Variants in CAMK1D observed in about 807,000 individuals in gnomAD.
The protein encoded by CAMK1D is calcium/calmodulin-dependent protein kinase type 1D.
CAMK1D carries 9 observed loss-of-function variants against 47.7 expected under a neutral mutation model. The observed-to-expected ratio is 0.19, with a 90% CI of 0.11 to 0.33. CAMK1D has a LOEUF of 0.33. Among genes scored for constraint, CAMK1D ranks in the 10% least tolerant of loss-of-function variants. The pLI is 1.00. For synonymous variants in CAMK1D, 184 were observed against 184.9 expected, an observed-to-expected ratio of 0.99 and a Z score of 0.04; for missense variants, 291 against 488.7, an observed-to-expected ratio of 0.60 and a Z score of 3.81.
intron 2 of CAMK1D, among the ~76,000 whole-genome samples, chr10:12,653,412 T>A (rs2132517573): frequency 6.6e-6 from 1 of 152,300 alleles, no homozygotes; most frequent in East Asian, 1.9e-4. Context: ...AGAAATTATG[T>A]TTAAAAACAC....
At chr10:12,532,657 C>T (rs1329605437) in intron 1 of CAMK1D, among the ~76,000 whole-genome samples, 1 of 152,112 alleles carries the variant, frequency 6.6e-6, no homozygotes, top group Non-Finnish European at 1.5e-5. Context: ...TTAGTTGCAG[C>T]ACTGTTTGCA....
At chr10:12,806,291 G>C (rs927752469) in intron 6 of CAMK1D, among the ~76,000 whole-genome samples, 4 of 152,228 alleles carry the variant, frequency 2.6e-5, no homozygotes, top group Non-Finnish European at 5.9e-5. Flanking sequence ...TAGGGACTCA[G>C]ACCGTCTGTT....
chr10:12,661,766 G>C (rs1023669948), intron 2 of CAMK1D, among the ~76,000 whole-genome samples: 3 of 152,192 alleles, frequency 2.0e-5, no homozygotes, highest in Non-Finnish European at 2.9e-5. Flanking sequence ...TAGAAGATGA[G>C]ATCTATAGAC....
In CAMK1D at chr10:12,677,011, G is replaced by A. The variant is rs918434649; in HGVS notation, c.299+10201G>A. Among the ~76,000 whole-genome samples the A allele has an allele frequency of 1.4e-4, 21 of 152,202 alleles. No homozygotes were observed. The South Asian group carries it at 1.7e-3, about 12-fold the overall frequency. On this transcript the variant is annotated intron_variant, in intron 3 of 10. Coordinates refer to ENST00000619168, the MANE Select transcript of CAMK1D (RefSeq NM_153498.4). ...TGTGATTTCCTGCTGAGCTTGAAAA[G>A]CTAAGGACAAAACACCCATTCTTTA...
chr10:12,750,693 G>GA (rs1272288918), intron 3 of CAMK1D, among the ~76,000 whole-genome samples: 5 of 151,902 alleles, frequency 3.3e-5, no homozygotes, highest in South Asian at 4.2e-4. Flanking sequence ...ATGAATGAAT[G>GA]ATGAATGAAT....
At chr10:12,801,346 TATCTATCTTATC>T (rs1178754378) in intron 6 of CAMK1D, among the ~76,000 whole-genome samples, 293 of 87,404 alleles carry the variant, frequency 3.4e-3, no homozygotes, top group Non-Finnish European at 3.7e-3. Context: ...TCTATCTATC[TATCTATCTTATC>T]TATCTATCTA....
intron 2 of CAMK1D, among the ~76,000 whole-genome samples, chr10:12,627,816 C>T (rs949501414): frequency 2.0e-5 from 3 of 152,144 alleles, no homozygotes; most frequent in Non-Finnish European, 4.4e-5. Flanking sequence ...TGCAGTGGCT[C>T]ACGCCTGTAG....
intron 2 of CAMK1D, among the ~76,000 whole-genome samples, chr10:12,615,448 G>GT (rs1305556987): frequency 3.3e-5 from 5 of 150,596 alleles, no homozygotes; most frequent in Admixed American, 1.3e-4. Context: ...GTGTGTGCAT[G>GT]TGTGTGTGTA....
At chr10:12,627,486 C>G (rs183776849) in intron 2 of CAMK1D, among the ~76,000 whole-genome samples, 4 of 152,284 alleles carry the variant, frequency 2.6e-5, no homozygotes, top group African/African-American at 4.8e-5. Context: ...TTACCCCAGT[C>G]AAGGTATAGA....
intron 1 of CAMK1D, among the ~76,000 whole-genome samples, chr10:12,510,588 GC>G (rs1199032765): frequency 6.6e-6 from 1 of 152,178 alleles, no homozygotes; most frequent in African/African-American, 2.4e-5. Context: ...AGCAAGTCAG[GC>G]AGAATCAGAC....
chr10:12,735,630 C>T (rs565901367), intron 3 of CAMK1D, among the ~76,000 whole-genome samples: 1 of 152,322 alleles, frequency 6.6e-6, no homozygotes, highest in South Asian at 2.1e-4. Flanking sequence ...TGGTCACTCT[C>T]ACCTCTAGAG....
At chr10:12,603,354 G>T (rs1838361834) in intron 2 of CAMK1D, among the ~76,000 whole-genome samples, 1 of 152,120 alleles carries the variant, frequency 6.6e-6, no homozygotes, top group South Asian at 2.1e-4. Flanking sequence ...CCAGGAACCT[G>T]GACCTCCTTC....
intron 1 of CAMK1D, among the ~76,000 whole-genome samples, chr10:12,479,145 G>A (rs971980417): frequency 4.6e-5 from 7 of 152,172 alleles, no homozygotes; most frequent in East Asian, 1.9e-4. Flanking sequence ...TGCCCACGGC[G>A]CTGCTGAGCC....
intron 2 of CAMK1D, among the ~76,000 whole-genome samples, chr10:12,605,261 G>T (rs1838418593): frequency 6.6e-6 from 1 of 151,794 alleles, no homozygotes; most frequent in African/African-American, 2.4e-5. Context: ...GGAAGGTCTG[G>T]CTCCTAGGTC....
chr10:12,709,795 G>A (rs1387581509), intron 3 of CAMK1D, among the ~76,000 whole-genome samples: 3 of 152,128 alleles, frequency 2.0e-5, no homozygotes, highest in African/African-American at 2.4e-5. Flanking sequence ...GCTGAGTTTT[G>A]TTACTTTGTT....
intron 1 of CAMK1D, among the ~76,000 whole-genome samples, chr10:12,452,785 C>A (rs1045504363): frequency 6.6e-6 from 1 of 152,034 alleles, no homozygotes; most frequent in African/African-American, 2.4e-5. Context: ...GGGGTTTCAC[C>A]ATATTGGTCA....
intron 3 of CAMK1D, among the ~76,000 whole-genome samples, chr10:12,715,695 C>T (rs142420464): frequency 0.014 from 2,010 of 146,014 alleles, 24 homozygotes; most frequent in Non-Finnish European, 0.019. Flanking sequence ...ACTTGGATCT[C>T]GGGGGGAGAA....
chr10:12,436,625 T>G (rs537773766), intron 1 of CAMK1D, among the ~76,000 whole-genome samples: 1 of 152,300 alleles, frequency 6.6e-6, no homozygotes, highest in Admixed American at 6.5e-5. Flanking sequence ...TAAGCTCGGA[T>G]GCTGTAGTTA....
rs59701857 is a variant in CAMK1D, at chr10:12,655,418, A to G, written c.225-11318A>G. ...GAGATTTGGGCAAGAAAAACTATCCAAACTGTATCACCCATTCACTGGTAA... is the reference window on the plus strand; with the variant it reads ...GAGATTTGGGCAAGAAAAACTATCCGAACTGTATCACCCATTCACTGGTAA... On this transcript the variant is annotated intron_variant, in intron 2 of 10. Coordinates refer to ENST00000619168, the MANE Select transcript of CAMK1D (RefSeq NM_153498.4). 1.6e-4 allele frequency among the ~76,000 whole-genome samples: 25 copies of G among 152,350 alleles called. No homozygotes were observed. In the East Asian group the frequency reaches 4.6e-3, roughly 28 times the overall value.
Sources: allele counts gnomAD v4.1 joint callset (sites outside exome capture counted in the v4.1 genomes callset), GRCh38; gene constraint gnomAD v4.1.1; transcripts MANE v1.5; gene names NCBI Gene and HGNC (gene_info 2026-07-23, HGNC 2026-07-21).